Variants in MAGI1 observed in about 807,000 individuals in gnomAD.
MAGI1 encodes the protein membrane associated guanylate kinase, WW and PDZ domain containing 1.
MAGI1 carries 58 observed loss-of-function variants against 139.9 expected under a neutral mutation model. The observed-to-expected ratio is 0.41, with a 90% CI of 0.34 to 0.52. MAGI1 has a LOEUF of 0.52. Ranked by LOEUF, MAGI1 falls within the 20% of genes least tolerant of loss-of-function variation. The probability of loss-of-function intolerance (pLI) is 0.12; values close to 1 mark genes in which losing one functional copy is unlikely to be tolerated. For missense variants in MAGI1, 1,874 were observed against 1,901.6 expected, an observed-to-expected ratio of 0.99 and a Z score of 0.27; for synonymous variants, 812 against 737.9, an observed-to-expected ratio of 1.10 and a Z score of -1.63.
chr3:65,626,438 C>A (rs1033686308), intron 1 of MAGI1, among the ~76,000 whole-genome samples: 1 of 152,168 alleles, frequency 6.6e-6, no homozygotes, highest in Admixed American at 6.5e-5. Context: ...AGTCCTCCAG[C>A]CTCAGCCTGC....
chr3:65,458,671 T>C (rs538077559), intron 5 of MAGI1, among the ~76,000 whole-genome samples: 21 of 152,168 alleles, frequency 1.4e-4, no homozygotes, highest in Non-Finnish European at 1.8e-4. Flanking sequence ...GATTTTTCCA[T>C]AGAGTTGCTT....
chr3:65,467,671 CA>C (rs1950255700), intron 5 of MAGI1, among the ~76,000 whole-genome samples: 2 of 152,210 alleles, frequency 1.3e-5, no homozygotes, highest in Non-Finnish European at 2.9e-5. Flanking sequence ...TCCTGCTAAC[CA>C]TCAAGATATC....
chr3:65,525,978 T>G (rs1027893404), intron 2 of MAGI1, among the ~76,000 whole-genome samples: 19 of 152,202 alleles, frequency 1.2e-4, no homozygotes, highest in African/African-American at 3.9e-4. Flanking sequence ...TCACAATTTA[T>G]AGAAAATGTA....
chr3:65,831,669 A>C (rs977520998), intron 1 of MAGI1, among the ~76,000 whole-genome samples: 3 of 152,208 alleles, frequency 2.0e-5, no homozygotes, highest in African/African-American at 4.8e-5. Context: ...CAGGAAACTC[A>C]TGAGGCCAAA....
intron 22 of MAGI1, chr3:65,359,253 GA>G (rs201003824): frequency 2.6e-6 from 4 of 1,544,542 alleles, no homozygotes; most frequent in Non-Finnish European, 3.5e-6. Flanking sequence ...ACAGAGGAAA[GA>G]AAAAAAATCT....
intron 1 of MAGI1, among the ~76,000 whole-genome samples, chr3:65,945,104 G>A (rs2063491961): frequency 6.6e-6 from 1 of 152,206 alleles, no homozygotes; most frequent in African/African-American, 2.4e-5. Context: ...GAGCACCAAT[G>A]GATCTGGTGG....
At chr3:65,812,698 A>AC (rs2041344751) in intron 1 of MAGI1, among the ~76,000 whole-genome samples, 1 of 109,228 alleles carries the variant, frequency 9.2e-6, no homozygotes, top group East Asian at 2.8e-4. Context: ...AAGTTAGTTT[A>AC]CTTTTTTTTT....
intron 5 of MAGI1, among the ~76,000 whole-genome samples, chr3:65,459,232 T>C (rs1346349069): frequency 2.0e-5 from 3 of 152,234 alleles, no homozygotes; most frequent in Non-Finnish European, 4.4e-5. Flanking sequence ...AGTCAGGTAA[T>C]GTACTTCCTC....
intron 1 of MAGI1, among the ~76,000 whole-genome samples, chr3:65,878,257 C>G (rs917283736): frequency 2.0e-5 from 3 of 152,180 alleles, no homozygotes; most frequent in Admixed American, 6.5e-5. Context: ...TGGCTCACGC[C>G]TGTAATCCCA....
At chr3:65,866,474 T>G (rs1438794016) in intron 1 of MAGI1, among the ~76,000 whole-genome samples, 2 of 151,918 alleles carry the variant, frequency 1.3e-5, no homozygotes, top group African/African-American at 4.8e-5. Context: ...AGCAGGTTGA[T>G]CTAAGATCTC....
In MAGI1 at chr3:66,038,071, C is replaced by G. The variant is rs1286884131; in HGVS notation, c.238G>C (p.Gly80Arg). The G allele has an allele frequency of 1.2e-6, 2 of 1,612,846 alleles. No individual in the cohort carries two copies. Among genetic ancestry groups the G allele is most frequent in the Non-Finnish European group, 1.7e-6 (2 of 1,179,586 alleles). The change falls in exon 1 of 23, where the codon GGC becomes CGC. Residue 80 changes from glycine to arginine, a missense_variant. Physicochemically the swap from Gly to Arg is moderately radical, Grantham distance 125. Transcript: ENST00000402939. Reference sequence around the variant, plus strand: ...CCCAGCACGTCATAGCGGGGCAAGCCGGACACCCGGACCCCCTGCACCTCC... The same window carrying G: ...CCCAGCACGTCATAGCGGGGCAAGCGGGACACCCGGACCCCCTGCACCTCC... ...LLEVQGVRVS[G>R]LPRYDVLGVI...
intron 13 of MAGI1, among the ~76,000 whole-genome samples, chr3:65,393,343 A>G (rs910185477): frequency 6.6e-6 from 1 of 152,156 alleles, no homozygotes; most frequent in African/African-American, 2.4e-5. Context: ...GTGTGAACCT[A>G]CATAACAACA....
At chr3:65,810,520 C>A (rs2041159249) in intron 1 of MAGI1, among the ~76,000 whole-genome samples, 1 of 152,226 alleles carries the variant, frequency 6.6e-6, no homozygotes, top group Non-Finnish European at 1.5e-5. Flanking sequence ...ACCACAACAA[C>A]AAATGGAAAA....
intron 18 of MAGI1, among the ~76,000 whole-genome samples, chr3:65,372,979 G>C (rs9834077): frequency 6.6e-6 from 1 of 152,078 alleles, no homozygotes; most frequent in African/African-American, 2.4e-5. Context: ...CAGCAATAAG[G>C]CTGTTTCGCT....
chr3:65,581,452 G>C (rs1006406185), intron 2 of MAGI1, among the ~76,000 whole-genome samples: 3 of 152,052 alleles, frequency 2.0e-5, no homozygotes, highest in Non-Finnish European at 4.4e-5. Flanking sequence ...CACATGACCC[G>C]ATTCTCTATT....
intron 2 of MAGI1, among the ~76,000 whole-genome samples, chr3:65,614,164 C>T (rs1353657155): frequency 6.6e-6 from 1 of 152,146 alleles, no homozygotes; most frequent in African/African-American, 2.4e-5. Context: ...CTAGACTCAA[C>T]AAGACAAGCG....
intron 2 of MAGI1, among the ~76,000 whole-genome samples, chr3:65,569,911 G>C (rs1359689278): frequency 6.6e-6 from 1 of 151,516 alleles, no homozygotes; most frequent in African/African-American, 2.4e-5. Flanking sequence ...TTTATCTGGT[G>C]AATTATTTTT....
chr3:65,910,717 CA>C (rs1482872458), intron 1 of MAGI1, among the ~76,000 whole-genome samples: 1 of 152,124 alleles, frequency 6.6e-6, no homozygotes, highest in Non-Finnish European at 1.5e-5. Context: ...CTATCACTTT[CA>C]GGCCATAATC....
At chr3:65,397,323 G>A in intron 13 of MAGI1, among the ~76,000 whole-genome samples, 1 of 152,170 alleles carries the variant, frequency 6.6e-6, no homozygotes, top group Admixed American at 6.5e-5. Context: ...TTAATGACTA[G>A]TTTTCAGCAA....
Sources: gnomAD v4.1 joint callset for allele counts (sites outside exome capture counted in the v4.1 genomes callset) on GRCh38, gnomAD v4.1.1 for gene constraint, MANE v1.5 for transcripts, NCBI Gene and HGNC (gene_info 2026-07-23, HGNC 2026-07-21) for gene names.